BMPR1A: variants seen among roughly 807,000 people sequenced by gnomAD.
BMPR1A encodes bone morphogenetic protein receptor type-1A.
In BMPR1A, 7 loss-of-function variants were observed where a neutral mutation model predicts 66.0. That is an observed-to-expected ratio of 0.11 (90% CI 0.06 to 0.20). BMPR1A has a LOEUF of 0.20. BMPR1A is among the 10% of genes least tolerant of loss of function. The pLI is 1.00. For synonymous variants in BMPR1A, 200 were observed against 229.7 expected, an observed-to-expected ratio of 0.87 and a Z score of 1.17; for missense variants, 408 against 669.1, an observed-to-expected ratio of 0.61 and a Z score of 4.31.
intron 1 of BMPR1A, among the ~76,000 whole-genome samples, chr10:86,826,682 A>AT (rs549102274): frequency 2.0e-5 from 3 of 151,764 alleles, no homozygotes; most frequent in Non-Finnish European, 4.4e-5. Context: ...AGGAGAAGTA[A>AT]TTTTTTTTAC....
chr10:86,922,168 G>A (rs1843674817), intron 11 of BMPR1A, among the ~76,000 whole-genome samples: 1 of 152,000 alleles, frequency 6.6e-6, no homozygotes, highest in Admixed American at 6.6e-5. Flanking sequence ...GTCTTTCTGT[G>A]CCTGGCTTAT....
downstream of BMPR1A, chr10:86,929,002 G>A (rs891769368): frequency 3.3e-5 from 5 of 151,396 alleles, no homozygotes; most frequent in African/African-American, 1.2e-4. Context: ...ATCCTAGTAT[G>A]CCATTAAATA....
intron 7 of BMPR1A, among the ~76,000 whole-genome samples, chr10:86,902,278 T>A (rs1237436087): frequency 1.3e-5 from 2 of 152,208 alleles, no homozygotes; most frequent in Non-Finnish European, 2.9e-5. Flanking sequence ...TTCCATTGAA[T>A]TGCATAGATT....
Position 86,923,409 on chromosome 10 carries a change from A to G in BMPR1A, c.1376A>G (p.Asn459Ser), listed in dbSNP as rs1564725605. ...GAAGAATACCAATTGCCATATTACAACATGGTACCGAGTGATCCGTCATAC... is the reference window on the plus strand; with the variant it reads ...GAAGAATACCAATTGCCATATTACAGCATGGTACCGAGTGATCCGTCATAC... ...IVEEYQLPYY[N>S]MVPSDPSYED... The change falls in exon 12 of 13, where the codon AAC becomes AGC. Residue 459 changes from asparagine to serine, a missense_variant. Transcript: ENST00000372037. The G allele has an allele frequency of 6.2e-7, 1 of 1,614,192 alleles. No homozygotes were observed. The highest frequency in any genetic ancestry group is 8.5e-7 in the Non-Finnish European group (1 of 1,180,034).
At chr10:86,912,841 A>G (rs894490199) in intron 8 of BMPR1A, among the ~76,000 whole-genome samples, 5 of 152,184 alleles carry the variant, frequency 3.3e-5, no homozygotes, top group Non-Finnish European at 5.9e-5. Flanking sequence ...CTTAGAGAGG[A>G]TGCTTCTCTC....
intron 1 of BMPR1A, among the ~76,000 whole-genome samples, chr10:86,826,536 A>G (rs1201216470): frequency 2.0e-5 from 3 of 151,934 alleles, no homozygotes; most frequent in African/African-American, 7.3e-5. Context: ...CTTTTATGAA[A>G]TCTCATCATA....
At chr10:86,760,237 TTTCTTTCTTTC>T (rs1841025480) in intron 1 of BMPR1A, among the ~76,000 whole-genome samples, 3 of 109,238 alleles carry the variant, frequency 2.7e-5, no homozygotes, top group Non-Finnish European at 5.5e-5. Flanking sequence ...TCTTTCTTTC[TTTCTTTCTTTC>T]TTTTTTTTTT....
At chr10:86,853,507 A>C (rs1373336050) in intron 2 of BMPR1A, among the ~76,000 whole-genome samples, 1 of 152,226 alleles carries the variant, frequency 6.6e-6, no homozygotes, top group African/African-American at 2.4e-5. Context: ...TGACTAAAGA[A>C]ACTACTGAAA....
At chr10:86,871,094 G>A (rs989618464) in intron 2 of BMPR1A, among the ~76,000 whole-genome samples, 1 of 151,952 alleles carries the variant, frequency 6.6e-6, no homozygotes, top group Non-Finnish European at 1.5e-5. Flanking sequence ...CTTTGCCCAC[G>A]GTGTTCCCTG....
At chr10:86,787,877 A>T (rs1343252052) in intron 1 of BMPR1A, among the ~76,000 whole-genome samples, 4 of 136,678 alleles carry the variant, frequency 2.9e-5, no homozygotes, top group Non-Finnish European at 4.8e-5. Flanking sequence ...GCAAGGGGGA[A>T]ATCTGCCCCC....
At chr10:86,850,587 TC>T (rs1357985677) in intron 2 of BMPR1A, among the ~76,000 whole-genome samples, 1 of 152,178 alleles carries the variant, frequency 6.6e-6, no homozygotes, top group Non-Finnish European at 1.5e-5. Context: ...TTTTAACATT[TC>T]CTAGTCTTTA....
chr10:86,917,335 A>C lies in BMPR1A; in HGVS notation c.868+9A>C, dbSNP rs766298777. 4.3e-6 allele frequency: 7 copies of C among 1,614,116 alleles called. No individual in the cohort carries two copies. In the Admixed American group the frequency reaches 1.0e-4, roughly 23 times the overall value. ...CCATGAAAACATACTTGGTGGGTAC[A>C]CACTGATTCAGTCAATTTCATTTTT... On this transcript the variant is annotated intron_variant, in intron 9 of 12. Transcript: ENST00000372037.
At chr10:86,821,983 T>C (rs1842126132) in intron 1 of BMPR1A, among the ~76,000 whole-genome samples, 1 of 152,084 alleles carries the variant, frequency 6.6e-6, no homozygotes, top group Non-Finnish European at 1.5e-5. Context: ...TTTGTATTTT[T>C]TGTAGAGAGG....
At chr10:86,908,172 C>G (rs1009874640) in intron 7 of BMPR1A, among the ~76,000 whole-genome samples, 1 of 152,184 alleles carries the variant, frequency 6.6e-6, no homozygotes, top group South Asian at 2.1e-4. Flanking sequence ...CCACTGCACT[C>G]TAGCCCAAGC....
intron 2 of BMPR1A, among the ~76,000 whole-genome samples, chr10:86,866,864 C>G (rs1324413637): frequency 6.6e-6 from 1 of 152,114 alleles, no homozygotes; most frequent in Non-Finnish European, 1.5e-5. Flanking sequence ...ACATGGAATT[C>G]AGCAAGTTAT....
chr10:86,817,742 C>G (rs7912824), intron 1 of BMPR1A, among the ~76,000 whole-genome samples: 2,041 of 152,034 alleles, frequency 0.013, 40 homozygotes, highest in African/African-American at 0.047. Context: ...AAAGAAAAAC[C>G]CTGGACCTGA....
chr10:86,872,718 T>G (rs1194136553), intron 2 of BMPR1A, among the ~76,000 whole-genome samples: 2 of 152,230 alleles, frequency 1.3e-5, no homozygotes, highest in African/African-American at 2.4e-5. Context: ...GTTCTCAAAA[T>G]AACTGTCAGT....
intron 2 of BMPR1A, among the ~76,000 whole-genome samples, chr10:86,858,468 G>A: frequency 6.6e-6 from 1 of 152,166 alleles, no homozygotes; most frequent in Non-Finnish European, 1.5e-5. Context: ...AATTAGGCAA[G>A]AGAAGGAAAT....
At chr10:86,826,990 TTATCTTTC>T (rs72206314) in intron 1 of BMPR1A, among the ~76,000 whole-genome samples, 34,420 of 150,162 alleles carry the variant, frequency 0.23, 5,008 homozygotes, top group East Asian at 0.66. Flanking sequence ...ATCTATCTAC[TTATCTTTC>T]TATCTATTTA....
Sources: gnomAD v4.1 joint callset for allele counts (sites outside exome capture counted in the v4.1 genomes callset) on GRCh38, gnomAD v4.1.1 for gene constraint, MANE v1.5 for transcripts, NCBI Gene and HGNC (gene_info 2026-07-23, HGNC 2026-07-21) for gene names.